The following C4orf51 variants were observed in gnomAD, a reference collection of about 807,000 sequenced individuals.
C4orf51 encodes uncharacterized protein C4orf51.
Under a neutral mutation model 25.2 loss-of-function variants are expected in C4orf51, and 25 were observed. The ratio of observed to expected loss-of-function variants is 0.99; its 90% CI spans 0.72 to 1.39. C4orf51 has a LOEUF of 1.39. C4orf51 is among the 40% of genes most tolerant of loss of function. C4orf51 has a pLI of 0.00. For missense variants in C4orf51, 252 were observed against 239.6 expected (o/e 1.05, Z -0.34); for synonymous variants, 100 against 84.5 (o/e 1.18, Z -1.01).
chr4:145,776,864 T>A, the C4orf51 span, among the ~76,000 whole-genome samples: 2 of 152,246 alleles, frequency 1.3e-5, no homozygotes, highest in Admixed American at 1.3e-4. Context: ...ATGGAAACCC[T>A]CTCATAAAAC....
At chr4:145,689,126 G>A (rs984615051) in intron 1 of C4orf51, among the ~76,000 whole-genome samples, 2 of 152,074 alleles carry the variant, frequency 1.3e-5, no homozygotes, top group Non-Finnish European at 2.9e-5. Flanking sequence ...AATTAATTCA[G>A]ATGAATTAAA....
chr4:145,784,854 T>C, the C4orf51 span, among the ~76,000 whole-genome samples: 1 of 152,100 alleles, frequency 6.6e-6, no homozygotes, highest in Admixed American at 6.5e-5. Context: ...TGGTAACCTC[T>C]TTTTTTGTAC....
intron 1 of C4orf51, among the ~76,000 whole-genome samples, chr4:145,696,098 C>G (rs1313401978): frequency 1.3e-5 from 2 of 152,082 alleles, no homozygotes; most frequent in African/African-American, 2.4e-5. Context: ...CCTGTCTCTA[C>G]TAAAAATAAA....
Position 145,765,711 on chromosome 4 carries a change from G to A in C4orf51, n.167-5277G>A, listed in dbSNP as rs113470073. ...GAGGGAGGATGAAGAGGGGCTATTT[G>A]ATTCGCTGGGGGTCTTCCTGTCTTC... On this transcript the variant is annotated intron_variant and non_coding_transcript_variant, in intron 1 of 1. Transcript: ENST00000510096. This position sits in a 1 kb window ranked among gnomAD's most constrained non-coding sequence, Gnocchi z 4.7. 3.5e-4 allele frequency: 558 copies of A among 1,613,976 alleles called. 1 individual carries two copies. The highest frequency in any genetic ancestry group is 4.5e-4 in the Non-Finnish European group (534 of 1,179,944).
chr4:145,774,836 G>A (rs1279330997), downstream of C4orf51, among the ~76,000 whole-genome samples: 1 of 152,120 alleles, frequency 6.6e-6, no homozygotes, highest in African/African-American at 2.4e-5. Flanking sequence ...CTGCTTTCTG[G>A]GATGCCTCTA....
intron 2 of C4orf51, among the ~76,000 whole-genome samples, chr4:145,718,767 T>A (rs1731556044): frequency 1.3e-5 from 2 of 152,246 alleles, no homozygotes; most frequent in Non-Finnish European, 2.9e-5. Context: ...TTGCTCATCC[T>A]GTTCCAGTTA....
chr4:145,771,180 T>C (rs1172925755), downstream of C4orf51: 1 of 152,268 alleles, frequency 6.6e-6, no homozygotes, highest in Non-Finnish European at 1.5e-5. Context: ...TTTGTCATTT[T>C]TGTAAACACA....
intron 1 of C4orf51, chr4:145,764,992 G>T (rs756001709): frequency 6.2e-7 from 1 of 1,612,402 alleles, no homozygotes; most frequent in South Asian, 1.1e-5. Context: ...CCTTACTTGA[G>T]CCCACCGGTG....
chr4:145,777,092 G>C, the C4orf51 span, among the ~76,000 whole-genome samples: 4 of 152,282 alleles, frequency 2.6e-5, no homozygotes, highest in Admixed American at 2.6e-4. Flanking sequence ...AGTTCACAGA[G>C]AAGAACATGG....
downstream of C4orf51, among the ~76,000 whole-genome samples, chr4:145,771,810 G>A (rs1736330398): frequency 6.6e-6 from 1 of 152,196 alleles, no homozygotes. Flanking sequence ...ACTTCACTTA[G>A]GTAACAAGAT....
intron 1 of C4orf51, among the ~76,000 whole-genome samples, chr4:145,767,797 G>A (rs1014583655): frequency 6.6e-6 from 1 of 151,906 alleles, no homozygotes; most frequent in African/African-American, 2.4e-5. Context: ...ACAAACAAAA[G>A]CTCACATTAA....
chr4:145,680,489 G>A (rs1009260033), intron 1 of C4orf51, 53 bp downstream of exon 1: 18 of 1,346,068 alleles, frequency 1.3e-5, no homozygotes, highest in Admixed American at 1.9e-5. Context: ...ATAGACAAGA[G>A]TGCTCTTAGA....
At chr4:145,733,891 C>T (rs1579010482), downstream of C4orf51, among the ~76,000 whole-genome samples, 2 of 152,152 alleles carry the variant, frequency 1.3e-5, no homozygotes, top group African/African-American at 4.8e-5. Flanking sequence ...GTTTAGGTTC[C>T]GAGTCTAGTA....
At chr4:145,687,740 T>C (rs1729263074) in intron 1 of C4orf51, among the ~76,000 whole-genome samples, 1 of 152,164 alleles carries the variant, frequency 6.6e-6, no homozygotes, top group Non-Finnish European at 1.5e-5. Context: ...GTTATGCTTC[T>C]CAAATGGAGT....
At chr4:145,756,330 T>C (rs911037297), downstream of C4orf51, among the ~76,000 whole-genome samples, 2 of 152,212 alleles carry the variant, frequency 1.3e-5, no homozygotes, top group Admixed American at 6.5e-5. Context: ...TTATGTAGCA[T>C]GACAGTAGGA....
In C4orf51 at chr4:145,690,489, G is replaced by A. The variant is rs576732246; in HGVS notation, c.234-6070G>A. Among the ~76,000 whole-genome samples, 37 of 152,244 alleles carry A rather than the reference G, an allele frequency of 2.4e-4. 1 individual carries two copies. Among genetic ancestry groups the A allele is most frequent in the Middle Eastern group, 6.8e-3 (2 of 294 alleles). On this transcript the variant is annotated intron_variant, in intron 1 of 5. Coordinates refer to ENST00000438731, the MANE Select transcript of C4orf51 (RefSeq NM_001080531.3). ...ACTGCACTCCAGCCTGGGCGACAGA[G>A]TGAGACTCCATCTCAAAATAATAAT... is the stretch of plus-strand genomic sequence containing the variant.
intron 2 of C4orf51, among the ~76,000 whole-genome samples, chr4:145,705,436 T>G (rs757848811): frequency 6.6e-6 from 1 of 152,196 alleles, no homozygotes; most frequent in Non-Finnish European, 1.5e-5. Context: ...CTGCCCTGCT[T>G]ATGCCTGACT....
intron 1 of C4orf51, among the ~76,000 whole-genome samples, chr4:145,740,369 C>T (rs1453023079): frequency 6.6e-6 from 1 of 150,848 alleles, no homozygotes; most frequent in Non-Finnish European, 1.5e-5. Flanking sequence ...CTATATTTTC[C>T]ATTTTTGGTT....
chr4:145,734,619 G>A (rs967268354), downstream of C4orf51, among the ~76,000 whole-genome samples: 1 of 152,150 alleles, frequency 6.6e-6, no homozygotes, highest in Admixed American at 6.5e-5. Context: ...CGCCCTGACC[G>A]TGTGATTTTT....
Sources: allele counts gnomAD v4.1 joint callset (sites outside exome capture counted in the v4.1 genomes callset), GRCh38; gene constraint gnomAD v4.1.1; non-coding constraint Gnocchi (gnomAD v3.1); transcripts MANE v1.5; gene names NCBI Gene and HGNC (gene_info 2026-07-23, HGNC 2026-07-21).